COPA: variants seen among roughly 807,000 people sequenced by gnomAD.
COPA encodes the protein coatomer subunit alpha.
Under a neutral mutation model 158.7 loss-of-function variants are expected in COPA, and 10 were observed. The ratio of observed to expected loss-of-function variants is 0.06; its 90% CI spans 0.04 to 0.11. The LOEUF is 0.11. Ranked by LOEUF, COPA falls within the 10% of genes least tolerant of loss-of-function variation. The probability of loss-of-function intolerance (pLI) is 1.00; values close to 1 mark genes in which losing one functional copy is unlikely to be tolerated. For missense variants in COPA, 1,065 were observed against 1,536.7 expected (o/e 0.69, Z 5.13); for synonymous variants, 462 against 542.8 (o/e 0.85, Z 2.07).
At chr1:160,314,262 A>G (rs1659067824) in intron 8 of COPA, 137 bp from the exon 9 acceptor site, 1 of 815,844 alleles carries the variant, frequency 1.2e-6, no homozygotes, top group South Asian at 2.1e-5. Context: ...TAATATGGCA[A>G]TCTTCTTCAT....
At chr1:160,331,712 G>A (rs189438603) in intron 6 of COPA, among the ~76,000 whole-genome samples, 1 of 151,088 alleles carries the variant, frequency 6.6e-6, no homozygotes, top group Admixed American at 6.6e-5. Flanking sequence ...TACTTTGGGA[G>A]GCCGAGGCAG....
intron 8 of COPA, among the ~76,000 whole-genome samples, chr1:160,318,468 TAAAAAAAAAAAAAAAAAAAAAAAC>T (rs746048726): frequency 0.2 from 3,274 of 15,986 alleles, 123 homozygotes; most frequent in Non-Finnish European, 0.27. Flanking sequence ...ACAATATTTG[TAAAAAAAAAAAAAAAAAAAAAAAC>T]AAAAAAAAAA....
intron 6 of COPA, 37 bp from the exon 7 acceptor site, chr1:160,325,689 C>T (rs1659469712): frequency 6.9e-7 from 1 of 1,455,798 alleles, no homozygotes; most frequent in Middle Eastern, 1.7e-4. Context: ...AAGATGTAAA[C>T]ATAATATTAT....
intron 14 of COPA, 38 bp from the exon 15 acceptor site, chr1:160,306,531 T>C: frequency 2.5e-6 from 4 of 1,610,240 alleles, no homozygotes; most frequent in Non-Finnish European, 3.4e-6. Context: ...AGAGAAGAAA[T>C]GTGTATAGAT....
chr1:160,313,365 A>G (rs1237512254), intron 9 of COPA, among the ~76,000 whole-genome samples, 198 bp from the exon 10 acceptor site: 2 of 152,126 alleles, frequency 1.3e-5, no homozygotes, highest in Non-Finnish European at 2.9e-5. Flanking sequence ...TGACCATATT[A>G]TTATGATATA....
chr1:160,309,240 T>G, intron 12 of COPA, 64 bp from the exon 13 acceptor site: 1 of 1,250,260 alleles, frequency 8.0e-7, no homozygotes, highest in South Asian at 1.2e-5. Context: ...GTTTTCCAAT[T>G]TACTCTGACA....
intron 31 of COPA, 117 bp downstream of exon 31, chr1:160,291,218 G>T: frequency 8.6e-7 from 1 of 1,168,706 alleles, no homozygotes; most frequent in Non-Finnish European, 1.2e-6. Flanking sequence ...CATTCTGTTG[G>T]CTTTTTGTTG....
At position 160,304,849 on chromosome 1, in the gene COPA, A is replaced by T. The variant is rs1571157886; in HGVS notation, c.1667+584T>A. On this transcript the variant is annotated intron_variant, in intron 17 of 32. Coordinates refer to ENST00000241704, the MANE Select transcript of COPA (RefSeq NM_004371.4). ...ACTAGAATTCACTCAAATATTCCTTAAGAGTAGAACTGACAAACTGTGGCA... is the reference window on the plus strand; with the variant it reads ...ACTAGAATTCACTCAAATATTCCTTTAGAGTAGAACTGACAAACTGTGGCA... 4.0e-5 allele frequency among the ~76,000 whole-genome samples: 6 copies of T among 148,166 alleles called. 1 individual carries two copies. Among genetic ancestry groups the T allele is most frequent in the Admixed American group, 4.0e-4 (6 of 14,976 alleles).
chr1:160,297,241 C>A, intron 21 of COPA, 102 bp downstream of exon 21: 1 of 1,048,592 alleles, frequency 9.5e-7, no homozygotes, highest in South Asian at 1.4e-5. Flanking sequence ...AAAAAATGCA[C>A]AATAAAGAGA....
In COPA at chr1:160,299,088, T is replaced by C. The variant is rs1658510385; in HGVS notation, c.1830+14A>G. The stretch of plus-strand genomic sequence containing the variant: ...GCCTCTCTTAATACTCTAGTTTGCA[T>C]CCTCACTTCATACCTCATCATATTT... On this transcript the variant is annotated intron_variant, in intron 18 of 32. Coordinates refer to ENST00000241704, the MANE Select transcript of COPA (RefSeq NM_004371.4). The C allele has an allele frequency of 6.2e-7, 1 of 1,611,456 alleles. No individual in the cohort carries two copies. The highest frequency in any genetic ancestry group is 1.7e-5 in the Admixed American group (1 of 59,874).
chr1:160,290,510 T>C lies in COPA; in HGVS notation c.3597A>G (p.Gln1199=). 6.2e-7 allele frequency: 1 copy of C among 1,614,178 alleles called. No homozygotes were observed. Among genetic ancestry groups the C allele is most frequent in the African/African-American group, 1.3e-5 (1 of 75,040 alleles). The stretch of plus-strand genomic sequence containing the variant: ...TACTTACTGTGGTGACCCTGCAGAT[T>C]TGACCTTTGAACTCAGGGGAATAGC... The part of the protein sequence containing the change: ...GACYSPEFKG[Q]ICRVTTVTEI... Residue 1199 remains glutamine (Q), a synonymous_variant, in exon 32 of 33, where the codon CAA becomes CAG. Coordinates refer to ENST00000241704, the MANE Select transcript of COPA (RefSeq NM_004371.4).
intron 8 of COPA, among the ~76,000 whole-genome samples, chr1:160,315,294 G>T (rs1020633206): frequency 6.6e-6 from 1 of 152,214 alleles, no homozygotes; most frequent in Admixed American, 6.5e-5. Flanking sequence ...CATCACGACT[G>T]CCTGAAAGGG....
At position 160,305,561 on chromosome 1, in the gene COPA, G is replaced by C; in HGVS notation, c.1539C>G (p.Ile513Met). 6.2e-7 allele frequency: 1 copy of C among 1,614,160 alleles called. No individual in the cohort carries two copies. The change falls in exon 17 of 33, where the codon ATC becomes ATG. Residue 513 changes from isoleucine to methionine, a missense_variant. Around this residue, in one of 2 missense-constraint regions of COPA, gnomAD observed 980 missense variants for 1,357.8 expected, o/e 0.72. Coordinates refer to ENST00000241704, the MANE Select transcript of COPA (RefSeq NM_004371.4). ...VALLAKHAIV[I>M]CNRKLDALCN... ...ATAAAGCATCCAGTTTGCGGTTACA[G>C]ATCACAATGGCTGTAAGAGGCAAAG...
intron 1 of COPA, among the ~76,000 whole-genome samples, chr1:160,341,955 T>G (rs1265605386): frequency 6.6e-6 from 1 of 152,174 alleles, no homozygotes; most frequent in Non-Finnish European, 1.5e-5. Context: ...TGAAGACCCA[T>G]TTCACATTTC....
At chr1:160,292,276 C>CTCA in intron 28 of COPA, 78 bp from the exon 29 acceptor site, 1 of 1,565,518 alleles carries the variant, frequency 6.4e-7, no homozygotes, top group Non-Finnish European at 8.7e-7. Flanking sequence ...GGCAAACATC[C>CTCA]TCATAGCTAC....
chr1:160,336,829 C>T (rs1647785282), intron 3 of COPA, among the ~76,000 whole-genome samples: 1 of 152,054 alleles, frequency 6.6e-6, no homozygotes, highest in South Asian at 2.1e-4. Flanking sequence ...TATAACAAGT[C>T]CAGACAATCC....
Position 160,323,415 on chromosome 1 carries a change from T to C in COPA, c.706+16A>G. On this transcript the variant is annotated intron_variant, in intron 8 of 32. Coordinates refer to ENST00000241704, the MANE Select transcript of COPA (RefSeq NM_004371.4). ...CAGTTTCTTAGATATGGCGATAATG[T>C]AACCGGTTCACTCACCATTCATGCG... 6.3e-7 allele frequency: 1 copy of C among 1,585,926 alleles called. No homozygotes were observed. Among genetic ancestry groups the C allele is most frequent in the Non-Finnish European group, 8.6e-7 (1 of 1,163,226 alleles).
chr1:160,341,284 G>A (rs185525139), intron 1 of COPA, among the ~76,000 whole-genome samples: 27 of 152,314 alleles, frequency 1.8e-4, no homozygotes, highest in East Asian at 5.8e-4. Flanking sequence ...TGGGGATCAC[G>A]TTATGATGTT....
chr1:160,342,964 G>C (rs929669264), intron 1 of COPA, among the ~76,000 whole-genome samples, 167 bp downstream of exon 1: 7 of 152,120 alleles, frequency 4.6e-5, no homozygotes, highest in African/African-American at 1.7e-4. Context: ...AAGAAGAGGG[G>C]ACTGGAGAAC....
Sources: gnomAD v4.1 joint callset for allele counts (sites outside exome capture counted in the v4.1 genomes callset) on GRCh38, gnomAD v4.1.1 for gene constraint, gnomAD v4.1.1 regional missense constraint, MANE v1.5 for transcripts, NCBI Gene and HGNC (gene_info 2026-07-23, HGNC 2026-07-21) for gene names.